The following RABGAP1L variants were observed in gnomAD, a reference collection of about 807,000 sequenced individuals.
The protein encoded by RABGAP1L is RAB GTPase activating protein 1 like, also known as rab GTPase-activating protein 1-like.
Under a neutral mutation model 137.7 loss-of-function variants are expected in RABGAP1L, and 63 were observed. The ratio of observed to expected loss-of-function variants is 0.46; its 90% CI spans 0.37 to 0.56. The LOEUF (loss-of-function observed/expected upper bound fraction) is 0.56, where lower values mean the gene tolerates loss of function less well. Among genes scored for constraint, RABGAP1L ranks in the 20% least tolerant of loss-of-function variants. The pLI is 0.00. For synonymous variants in RABGAP1L, 431 were observed against 433.7 expected (o/e 0.99, Z 0.08); for missense variants, 1,095 against 1,244.0 (o/e 0.88, Z 1.80).
At chr1:174,192,246 C>CT (rs1667260800) in intron 1 of RABGAP1L, among the ~76,000 whole-genome samples, 1 of 151,030 alleles carries the variant, frequency 6.6e-6, no homozygotes, top group South Asian at 2.1e-4. Flanking sequence ...GATTATTTCT[C>CT]TAACTGCGTA....
intron 19 of RABGAP1L, among the ~76,000 whole-genome samples, chr1:174,851,073 C>G (rs1648239729): frequency 6.6e-6 from 1 of 152,198 alleles, no homozygotes; most frequent in Non-Finnish European, 1.5e-5. Flanking sequence ...AGAGTCCAGC[C>G]CAACAGGCAT....
chr1:174,352,913 C>T (rs1261138580), intron 11 of RABGAP1L, among the ~76,000 whole-genome samples: 6 of 152,280 alleles, frequency 3.9e-5, no homozygotes, highest in Admixed American at 3.9e-4. Flanking sequence ...TGTTCTCTTC[C>T]TTTACTCTTC....
intron 20 of RABGAP1L, among the ~76,000 whole-genome samples, chr1:174,966,651 T>C (rs1669655153): frequency 6.6e-6 from 1 of 152,228 alleles, no homozygotes; most frequent in South Asian, 2.1e-4. Context: ...ACATTTATTA[T>C]GCTTCTGTGG....
chr1:174,241,683 T>G, intron 5 of RABGAP1L, 26 bp downstream of exon 5: 2 of 1,542,180 alleles, frequency 1.3e-6, no homozygotes, highest in Non-Finnish European at 1.8e-6. Context: ...TATAGCAATT[T>G]GCTATAGAGA....
chr1:174,555,125 G>T (rs2147998920), intron 13 of RABGAP1L, among the ~76,000 whole-genome samples: 1 of 152,112 alleles, frequency 6.6e-6, no homozygotes, highest in Admixed American at 6.5e-5. Flanking sequence ...GTATAAATGA[G>T]AATTCTTATT....
intron 17 of RABGAP1L, among the ~76,000 whole-genome samples, chr1:174,741,055 T>G (rs568066946): frequency 3.8e-4 from 54 of 141,086 alleles, no homozygotes; most frequent in East Asian, 3.1e-3. Flanking sequence ...GTTTTTTTTT[T>G]TTTGTGTGTG....
intron 1 of RABGAP1L, among the ~76,000 whole-genome samples, chr1:174,217,329 A>C (rs1571597363): frequency 6.6e-6 from 1 of 152,322 alleles, no homozygotes; most frequent in African/African-American, 2.4e-5. Context: ...CAGGGCAGGA[A>C]TTTAGAGAAG....
At chr1:174,342,608 TTTTC>T (rs1378478348) in intron 11 of RABGAP1L, among the ~76,000 whole-genome samples, 1 of 152,184 alleles carries the variant, frequency 6.6e-6, no homozygotes, top group Non-Finnish European at 1.5e-5. Flanking sequence ...AATTTCTGTT[TTTTC>T]TTTTTTATTG....
At chr1:174,632,434 TG>T (rs1370136258) in intron 13 of RABGAP1L, among the ~76,000 whole-genome samples, 1 of 149,004 alleles carries the variant, frequency 6.7e-6, no homozygotes, top group African/African-American at 2.5e-5. Flanking sequence ...ATCTGAATGT[TG>T]GCCTGCCTTG....
chr1:174,475,873 C>A (rs1285560985), intron 13 of RABGAP1L, among the ~76,000 whole-genome samples: 1 of 149,736 alleles, frequency 6.7e-6, no homozygotes, highest in African/African-American at 2.5e-5. Context: ...AACCTAAATT[C>A]GCAATGTTAG....
chr1:174,555,199 G>T (rs1258235030), intron 13 of RABGAP1L, among the ~76,000 whole-genome samples: 1 of 152,070 alleles, frequency 6.6e-6, no homozygotes, highest in African/African-American at 2.4e-5. Flanking sequence ...TATAAATTTA[G>T]GGCCATTTAA....
intron 13 of RABGAP1L, among the ~76,000 whole-genome samples, chr1:174,500,539 T>C (rs962822629): frequency 8.5e-5 from 13 of 152,202 alleles, no homozygotes; most frequent in Admixed American, 7.2e-4. Context: ...ATAAAGTTCC[T>C]ACCCTGCAGA....
At chr1:174,697,872 C>T (rs576721313) in intron 15 of RABGAP1L, among the ~76,000 whole-genome samples, 1 of 152,138 alleles carries the variant, frequency 6.6e-6, no homozygotes, top group Non-Finnish European at 1.5e-5. Flanking sequence ...TTGAAAAGGT[C>T]TCAAACAACT....
Position 174,596,599 on chromosome 1 carries a change from T to C in RABGAP1L, c.1711-40776T>C, listed in dbSNP as rs1289274708. Among the ~76,000 whole-genome samples the C allele has an allele frequency of 2.0e-5, 3 of 152,354 alleles. No individual in the cohort carries two copies. In the East Asian group the frequency reaches 5.8e-4, roughly 29 times the overall value. On this transcript the variant is annotated intron_variant, in intron 13 of 25. Coordinates refer to ENST00000681986, the MANE Select transcript of RABGAP1L (RefSeq NM_001366446.1). ...TAATTTTATGTAATTTACTTCTCAG[T>C]TCTAATAATTTCTTGATTAAGTCTT...
At chr1:174,838,138 G>A (rs72717627) in intron 19 of RABGAP1L, among the ~76,000 whole-genome samples, 9,691 of 152,224 alleles carry the variant, frequency 0.064, 434 homozygotes, top group Admixed American at 0.096. Flanking sequence ...CAGTGATTAC[G>A]TGTAAGTATA....
chr1:174,328,005 A>ATATATATATATG, intron 11 of RABGAP1L, among the ~76,000 whole-genome samples: 3 of 136,664 alleles, frequency 2.2e-5, no homozygotes, highest in African/African-American at 8.7e-5. Flanking sequence ...ATATATATAT[A>ATATATATATATG]TATATATATA....
chr1:174,501,497 T>G (rs570963522), intron 13 of RABGAP1L, among the ~76,000 whole-genome samples: 1 of 152,236 alleles, frequency 6.6e-6, no homozygotes, highest in South Asian at 2.1e-4. Flanking sequence ...CCTCACTTTG[T>G]TTACTTTTAT....
At position 174,988,592 on chromosome 1, in the gene RABGAP1L, T is replaced by G. The variant is rs779173172; in HGVS notation, c.2806-49T>G. On this transcript the variant is annotated intron_variant, in intron 24 of 25. Transcript: ENST00000681986. The stretch of plus-strand genomic sequence containing the variant: ...GTCATAAATTGTTTCAGAAGGTGAT[T>G]TAGCCTATGGAATAGTTTGATGTTG... The G allele has an allele frequency of 1.1e-5, 15 of 1,390,758 alleles. No homozygotes were observed. In the South Asian group the frequency reaches 2.2e-4, roughly 20 times the overall value. The allele number at this position is 1,390,758 out of a possible 1,614,324, so 86.2% of individuals were successfully genotyped here. A position where few individuals can be genotyped will look rare whatever the true frequency, so the allele number is the denominator to read the frequency against.
chr1:174,839,057 T>TGTTGG (rs1693106722), intron 19 of RABGAP1L, among the ~76,000 whole-genome samples: 2 of 56,602 alleles, frequency 3.5e-5, no homozygotes, highest in African/African-American at 9.7e-5. Context: ...GTGTGTGTGT[T>TGTTGG]GGTAGGGGTG....
Sources: allele counts gnomAD v4.1 joint callset (sites outside exome capture counted in the v4.1 genomes callset), GRCh38; gene constraint gnomAD v4.1.1; transcripts MANE v1.5; gene names NCBI Gene and HGNC (gene_info 2026-07-23, HGNC 2026-07-21).